Variants in CDCA5 observed in about 807,000 individuals in gnomAD.
CDCA5 encodes the protein sororin.
Under a neutral mutation model 25.7 loss-of-function variants are expected in CDCA5, and 14 were observed. That is an observed-to-expected ratio of 0.54 (90% CI 0.36 to 0.85). The LOEUF (loss-of-function observed/expected upper bound fraction) is 0.85, where lower values mean the gene tolerates loss of function less well. Ranked by LOEUF, CDCA5 falls within the 40% of genes least tolerant of loss-of-function variation. The probability of loss-of-function intolerance (pLI) is 0.01; values close to 1 mark genes in which losing one functional copy is unlikely to be tolerated. For synonymous variants in CDCA5, 127 were observed against 128.7 expected (o/e 0.99, Z 0.09); for missense variants, 307 against 324.5 (o/e 0.95, Z 0.41).
chr11:65,083,599 A>G (rs373544382), intron 2 of CDCA5, 30 bp downstream of exon 2: 107 of 1,614,138 alleles, frequency 6.6e-5, no homozygotes, highest in Middle Eastern at 1.6e-4. Context: ...AGGGGCCACA[A>G]GGGGAGGAAG....
rs1193320166 is a variant in CDCA5 at position 65,066,812 on chromosome 11, C to A, written c.435+1G>T. The A allele has an allele frequency of 7.8e-7, 1 of 1,289,362 alleles. No homozygotes were observed. Among genetic ancestry groups the A allele is most frequent in the East Asian group, 5.5e-5 (1 of 18,022 alleles). The allele number at this position is 1,289,362 out of a possible 1,614,324, so 79.9% of individuals were successfully genotyped here. On this transcript the variant is annotated splice_donor_variant, in intron 5 of 6. Transcript: ENST00000525464. LOFTEE classifies it high-confidence loss of function. The stretch of plus-strand genomic sequence containing the variant: ...AATGGGGTCCTGGCTCAGGGTCTTA[C>A]CAGGTTCTGCAGCTTCTCCCCCAGG...
At chr11:65,069,275 G>A (rs1376959398) in intron 1 of CDCA5, among the ~76,000 whole-genome samples, 3 of 142,156 alleles carry the variant, frequency 2.1e-5, no homozygotes, top group African/African-American at 7.7e-5. Context: ...TAATAGAATT[G>A]TGGCTATTTT....
At chr11:65,066,353 C>A (rs1947235435), downstream of CDCA5, 1 of 1,173,304 alleles carries the variant, frequency 8.5e-7, no homozygotes. Context: ...GAAGGAGCGG[C>A]CTCCCGAGGA....
Position 65,078,866 on chromosome 11 carries a change from G to A in CDCA5, c.*241C>T. On this transcript the variant is annotated 3_prime_UTR_variant, in exon 6 of 6. Coordinates refer to ENST00000275517, the MANE Select transcript of CDCA5 (RefSeq NM_080668.4). ...CTATGGTACTTTGGGGAGATAGGAA[G>A]GACAGGACGACAAGAGACAGGACAC... The A allele has an allele frequency of 8.2e-7, 1 of 1,225,674 alleles. No individual in the cohort carries two copies. Among genetic ancestry groups the A allele is most frequent in the South Asian group, 4.0e-5 (1 of 25,078 alleles). The allele number at this position is 1,225,674 out of a possible 1,614,324, so 75.9% of individuals were successfully genotyped here.
chr11:65,062,646 T>A (rs1947196186), downstream of CDCA5, among the ~76,000 whole-genome samples: 2 of 152,274 alleles, frequency 1.3e-5, no homozygotes, highest in South Asian at 4.1e-4. Context: ...GAAATTGCAT[T>A]CCTGGCTGGG....
chr11:65,078,530 G>C lies in CDCA5; in HGVS notation c.*577C>G, dbSNP rs1158853211. On this transcript the variant is annotated 3_prime_UTR_variant, in exon 6 of 6. Coordinates refer to ENST00000275517, the MANE Select transcript of CDCA5 (RefSeq NM_080668.4). ...CTTCAAAACTCAGACTCCACAGGCTGAATGTCCAGCTTCTTCCTCCAAGAC... is the reference window on the plus strand; with the variant it reads ...CTTCAAAACTCAGACTCCACAGGCTCAATGTCCAGCTTCTTCCTCCAAGAC... 84 of 985,538 alleles carry C rather than the reference G, an allele frequency of 8.5e-5. No homozygotes were observed. The highest frequency in any genetic ancestry group is 9.8e-5 in the Non-Finnish European group (81 of 830,082). 61.0% of individuals were successfully genotyped at this position (985,538 alleles called of 1,614,324 possible).
At chr11:65,064,097 G>A (rs111574082), downstream of CDCA5, among the ~76,000 whole-genome samples, 1,004 of 152,212 alleles carry the variant, frequency 6.6e-3, 11 homozygotes, top group African/African-American at 0.023. Flanking sequence ...TTATTCGAGC[G>A]CTGTCCCAGG....
rs754587257 is a variant in CDCA5 at position 65,079,595 on chromosome 11, A to T, written c.436T>A (p.Tyr146Asn). 1 of 1,613,000 alleles carries T rather than the reference A, an allele frequency of 6.2e-7. No homozygotes were observed. The highest frequency in any genetic ancestry group is 1.3e-5 in the African/African-American group (1 of 74,850). ...LEMSKKVRRSYSRLETLGSAS... is the reference protein window; with the variant it reads ...LEMSKKVRRSNSRLETLGSAS... ...GAGCCCAGGGTCTCCAGCCGGCTGT[A>T]GGAACGCCTGACTTTCTTAGACATT... Residue 146 changes from tyrosine to asparagine, a missense_variant, in exon 5 of 6, where the codon TAC becomes AAC. Coordinates refer to ENST00000275517, the MANE Select transcript of CDCA5 (RefSeq NM_080668.4).
chr11:65,077,570 G>C lies in CDCA5; in HGVS notation c.*1537C>G, dbSNP rs942508390. 7.1e-6 allele frequency: 7 copies of C among 985,232 alleles called. No individual in the cohort carries two copies. The highest frequency in any genetic ancestry group is 3.5e-5 in the African/African-American group (2 of 57,234). The allele number at this position is 985,232 out of a possible 1,614,324, so 61.0% of individuals were successfully genotyped here. Reference sequence around the variant, plus strand: ...ACTTTGCAATGATGATCTCAACTCTGCATCATCTGGTGACTCCTGATTCTG... The same window carrying C: ...ACTTTGCAATGATGATCTCAACTCTCCATCATCTGGTGACTCCTGATTCTG... On this transcript the variant is annotated 3_prime_UTR_variant, in exon 6 of 6. Coordinates refer to ENST00000275517, the MANE Select transcript of CDCA5 (RefSeq NM_080668.4).
intron 1 of CDCA5, among the ~76,000 whole-genome samples, chr11:65,071,862 A>G (rs1007664809): frequency 1.3e-5 from 2 of 152,174 alleles, no homozygotes; most frequent in African/African-American, 4.8e-5. Flanking sequence ...TGGACAGAAG[A>G]TAGCTCAGGA....
downstream of CDCA5, among the ~76,000 whole-genome samples, chr11:65,062,454 C>T (rs2137050177): frequency 6.6e-6 from 1 of 152,258 alleles, no homozygotes; most frequent in South Asian, 2.1e-4. Flanking sequence ...GCTCCTGTAG[C>T]TCTGGCCTGC....
At chr11:65,068,506 G>A (rs962034082) in exon 2 of CDCA5, 29 of 1,289,158 alleles carry the variant, frequency 2.2e-5, no homozygotes, top group Middle Eastern at 2.1e-4. Flanking sequence ...TCCGCTCCTC[G>A]GAAGCCTGAG....
At position 65,084,024 on chromosome 11, in the gene CDCA5, G is replaced by A. The variant is rs758419261; in HGVS notation, c.-46C>T. The A allele has an allele frequency of 5.0e-6, 8 of 1,585,638 alleles. No homozygotes were observed. Among genetic ancestry groups the A allele is most frequent in the Non-Finnish European group, 6.8e-6 (8 of 1,168,832 alleles). ...CTCCTCCAGCGCCGCCGCCCCGGGC[G>A]CGCGCCAACCGGGAAGGCCACTCGC... is the stretch of plus-strand genomic sequence containing the variant. On this transcript the variant is annotated 5_prime_UTR_variant, in exon 1 of 6. Transcript: ENST00000275517.
chr11:65,068,488 C>T (rs1435715924), exon 2 of CDCA5: 2 of 1,288,134 alleles, frequency 1.6e-6, no homozygotes, highest in African/African-American at 1.5e-5. Flanking sequence ...TTCCCATCAC[C>T]TCCAAGTTCC....
the CDCA5 span, among the ~76,000 whole-genome samples, chr11:65,061,280 A>G: frequency 6.6e-6 from 1 of 152,030 alleles, no homozygotes; most frequent in East Asian, 1.9e-4. Context: ...CTGTGAATAA[A>G]CCAACTTGGA....
At chr11:65,064,353 G>A, downstream of CDCA5, among the ~76,000 whole-genome samples, 1 of 150,216 alleles carries the variant, frequency 6.7e-6, no homozygotes, top group Non-Finnish European at 1.5e-5. Flanking sequence ...AGGAGGCAGA[G>A]GTTGCAGTGA....
chr11:65,062,895 C>A (rs1454845789), downstream of CDCA5, among the ~76,000 whole-genome samples: 3 of 152,184 alleles, frequency 2.0e-5, no homozygotes, highest in Admixed American at 6.5e-5. Context: ...CTGCCCCTCC[C>A]AGAGCGTAAG....
At chr11:65,066,570 G>GGCAGGGCCTGGCTTTCCTCCT (rs1565263872) in exon 6 of CDCA5, 2 of 1,289,256 alleles carry the variant, frequency 1.6e-6, no homozygotes. Context: ...AGCCACCTCC[G>GGCAGGGCCTGGCTTTCCTCCT]GCAGGGCCTG....
At chr11:65,076,153 T>TGTG (rs1947441005), downstream of CDCA5, among the ~76,000 whole-genome samples, 1 of 152,234 alleles carries the variant, frequency 6.6e-6, no homozygotes, top group Admixed American at 6.5e-5. Flanking sequence ...CTTTACTCTG[T>TGTG]TGCCCAGACT....
Sources: gnomAD v4.1 joint callset for allele counts (sites outside exome capture counted in the v4.1 genomes callset) on GRCh38, gnomAD v4.1.1 for gene constraint, MANE v1.5 for transcripts, NCBI Gene and HGNC (gene_info 2026-07-23, HGNC 2026-07-21) for gene names.